Variants in PALM2AKAP2 observed in about 807,000 individuals in gnomAD.
PALM2AKAP2 encodes PALM2-AKAP2 fusion protein.
Under a neutral mutation model 71.5 loss-of-function variants are expected in PALM2AKAP2, and 37 were observed. That is an observed-to-expected ratio of 0.52 (90% CI 0.40 to 0.68). The LOEUF (loss-of-function observed/expected upper bound fraction) is 0.68. Ranked by LOEUF, PALM2AKAP2 falls within the 30% of genes least tolerant of loss-of-function variation. The probability of loss-of-function intolerance (pLI) is 0.00; values close to 1 mark genes in which losing one functional copy is unlikely to be tolerated. For synonymous variants in PALM2AKAP2, 468 were observed against 478.8 expected (o/e 0.98, Z 0.29); for missense variants, 1,224 against 1,191.8 (o/e 1.03, Z -0.40).
chr9:109,833,456 G>A (rs138849985), intron 1 of PALM2AKAP2, among the ~76,000 whole-genome samples: 4 of 152,322 alleles, frequency 2.6e-5, no homozygotes, highest in Non-Finnish European at 4.4e-5. Context: ...TGGCCATGGT[G>A]TGTGTTGGCA....
intron 1 of PALM2AKAP2, among the ~76,000 whole-genome samples, chr9:109,837,431 A>G (rs1182580536): frequency 6.6e-6 from 1 of 152,228 alleles, no homozygotes; most frequent in Non-Finnish European, 1.5e-5. Flanking sequence ...AACATGCCAA[A>G]TTGTAAAGAC....
chr9:109,697,136 T>TG (rs1294752548), intron 1 of PALM2AKAP2, among the ~76,000 whole-genome samples: 1 of 152,136 alleles, frequency 6.6e-6, no homozygotes. Flanking sequence ...AACAGGGTAC[T>TG]GGTTAAATAA....
At chr9:109,836,326 T>C (rs942826180) in intron 1 of PALM2AKAP2, among the ~76,000 whole-genome samples, 1 of 152,152 alleles carries the variant, frequency 6.6e-6, no homozygotes, top group East Asian at 1.9e-4. Flanking sequence ...GTCCTGACTG[T>C]TAAAAGGAAA....
At chr9:110,137,434 C>T in exon 2 of PALM2AKAP2, 1 of 1,614,144 alleles carries the variant, frequency 6.2e-7, no homozygotes, top group East Asian at 2.2e-5. Context: ...CCCTGGAGAC[C>T]CCATCGGCAG....
At position 110,005,011 on chromosome 9, in the gene PALM2AKAP2, A is replaced by T. The variant is rs558937638; in HGVS notation, c.497-10943A>T. Reference sequence around the variant, plus strand: ...AGCTCGGAGTAGTTTGATCGTCTGAAGCCTTCTTCTCTCAACTCGTCAAAG... The same window carrying T: ...AGCTCGGAGTAGTTTGATCGTCTGATGCCTTCTTCTCTCAACTCGTCAAAG... On this transcript the variant is annotated intron_variant, in intron 6 of 9. Coordinates refer to the PALM2AKAP2 transcript ENST00000302798. 2.6e-5 allele frequency among the ~76,000 whole-genome samples: 4 copies of T among 152,244 alleles called. No individual in the cohort carries two copies. The South Asian group carries it at 6.2e-4, about 24-fold the overall frequency.
At chr9:109,827,847 G>A (rs1162123464) in intron 1 of PALM2AKAP2, among the ~76,000 whole-genome samples, 3 of 152,292 alleles carry the variant, frequency 2.0e-5, no homozygotes, top group Middle Eastern at 3.4e-3. Context: ...GCTTTACGGT[G>A]TGTAAAACTT....
At chr9:109,809,622 G>A (rs189555151) in intron 1 of PALM2AKAP2, among the ~76,000 whole-genome samples, 1 of 152,354 alleles carries the variant, frequency 6.6e-6, no homozygotes, top group Non-Finnish European at 1.5e-5. Flanking sequence ...GCTGAAATGA[G>A]TTAAGACTTT....
chr9:109,734,467 C>T (rs1828600354), intron 1 of PALM2AKAP2, among the ~76,000 whole-genome samples: 1 of 152,110 alleles, frequency 6.6e-6, no homozygotes, highest in South Asian at 2.1e-4. Flanking sequence ...CTTTATTTGT[C>T]ACATTTCAGG....
chr9:109,733,619 T>C (rs1828587218), intron 1 of PALM2AKAP2, among the ~76,000 whole-genome samples: 2 of 152,218 alleles, frequency 1.3e-5, no homozygotes, highest in South Asian at 4.1e-4. Flanking sequence ...TGAGTTCCTT[T>C]CAAGGCTGTC....
At chr9:110,069,116 G>A (rs1383825762) in intron 1 of PALM2AKAP2, among the ~76,000 whole-genome samples, 2 of 152,098 alleles carry the variant, frequency 1.3e-5, no homozygotes, top group South Asian at 2.1e-4. Flanking sequence ...AAAGAGCCCA[G>A]TAGAGGTAGG....
At chr9:109,730,126 G>A (rs959019173) in intron 1 of PALM2AKAP2, among the ~76,000 whole-genome samples, 1 of 152,166 alleles carries the variant, frequency 6.6e-6, no homozygotes, top group Admixed American at 6.5e-5. Context: ...CTTGATGAAA[G>A]GAAAGAGGAG....
intron 1 of PALM2AKAP2, among the ~76,000 whole-genome samples, chr9:109,744,572 G>A (rs1228624731): frequency 7.2e-5 from 11 of 152,302 alleles, no homozygotes; most frequent in Admixed American, 5.9e-4. Context: ...TGGAGGACTA[G>A]AGGGTCTAAG....
At chr9:109,696,401 T>C (rs1036303251) in intron 1 of PALM2AKAP2, among the ~76,000 whole-genome samples, 9 of 152,214 alleles carry the variant, frequency 5.9e-5, no homozygotes, top group African/African-American at 2.2e-4. Flanking sequence ...CAAGATGCCA[T>C]CTTCTGTCTA....
At chr9:109,794,735 C>T (rs1440187349) in intron 1 of PALM2AKAP2, among the ~76,000 whole-genome samples, 1 of 152,170 alleles carries the variant, frequency 6.6e-6, no homozygotes, top group Non-Finnish European at 1.5e-5. Flanking sequence ...TCAAAAACAC[C>T]AGCTACAATT....
intron 6 of PALM2AKAP2, among the ~76,000 whole-genome samples, chr9:110,002,822 G>A (rs1390541829): frequency 1.3e-5 from 2 of 152,258 alleles, no homozygotes; most frequent in Admixed American, 6.5e-5. Flanking sequence ...TTTGTGTAGA[G>A]GTGTTTATAG....
chr9:109,669,601 A>G (rs529111815), intron 1 of PALM2AKAP2, among the ~76,000 whole-genome samples: 30 of 152,198 alleles, frequency 2.0e-4, no homozygotes, highest in African/African-American at 6.3e-4. Context: ...AAGGTTTCTA[A>G]TTACAAATTC....
Position 109,948,097 on chromosome 9 carries a change from G to A in PALM2AKAP2, c.496+16069G>A, listed in dbSNP as rs116814908. On this transcript the variant is annotated intron_variant, in intron 6 of 9. Transcript: ENST00000302798. The stretch of plus-strand genomic sequence containing the variant: ...TTCACTTCACAAAGGCCTTCTTCTG[G>A]TATTACCAGGAAAACTTTCCTGCAT... Among the ~76,000 whole-genome samples, 549 of 152,224 alleles carry A rather than the reference G, an allele frequency of 3.6e-3. 5 individuals are homozygous for A. Among genetic ancestry groups the A allele is most frequent in the African/African-American group, 0.012 (518 of 41,530 alleles).
chr9:109,669,142 T>A (rs1827536718), intron 1 of PALM2AKAP2, among the ~76,000 whole-genome samples: 2 of 152,196 alleles, frequency 1.3e-5, no homozygotes, highest in Admixed American at 1.3e-4. Context: ...TTGTGGAGGG[T>A]AAAAGAACTG....
At chr9:109,769,665 T>A (rs138304789) in intron 1 of PALM2AKAP2, among the ~76,000 whole-genome samples, 1 of 152,208 alleles carries the variant, frequency 6.6e-6, no homozygotes. Context: ...TGGAGGATAT[T>A]TGTGAAGGTG....
Sources: allele counts gnomAD v4.1 joint callset (sites outside exome capture counted in the v4.1 genomes callset), GRCh38; gene constraint gnomAD v4.1.1; transcripts MANE v1.5; gene names NCBI Gene and HGNC (gene_info 2026-07-23, HGNC 2026-07-21).